FAM72A: variants seen among roughly 807,000 people sequenced by gnomAD.
The protein encoded by FAM72A is protein FAM72A.
FAM72A carries 1 observed loss-of-function variant against 11.3 expected under a neutral mutation model. That is an observed-to-expected ratio of 0.09 (90% CI 0.03 to 0.42). The LOEUF (loss-of-function observed/expected upper bound fraction) is 0.42, where lower values mean the gene tolerates loss of function less well. Among genes scored for constraint, FAM72A ranks in the 10% least tolerant of loss-of-function variants. The pLI is 0.98. For synonymous variants in FAM72A, 5 were observed against 46.9 expected (o/e 0.11, Z 3.65); for missense variants, 15 against 135.5 (o/e 0.11, Z 4.41).
intron 3 of FAM72A, among the ~76,000 whole-genome samples, chr1:206,191,674 AT>A (rs1182826954): frequency 0.085 from 11,111 of 131,262 alleles, 867 homozygotes; most frequent in African/African-American, 0.21. Context: ...GGAAAAAGAA[AT>A]TTTTTTTTTT....
chr1:206,191,445 CCT>C (rs1390876285), intron 3 of FAM72A, among the ~76,000 whole-genome samples: 2 of 144,690 alleles, frequency 1.4e-5, no homozygotes, highest in African/African-American at 5.2e-5. Context: ...ATGGTGAAAC[CCT>C]GTCTCTACTA....
chr1:206,198,598 G>A (rs1344361292), intron 2 of FAM72A, among the ~76,000 whole-genome samples: 2 of 150,776 alleles, frequency 1.3e-5, no homozygotes, highest in Admixed American at 6.6e-5. Context: ...CCATCTAAAT[G>A]AGAAAATTTC....
chr1:206,197,624 ATGT>A (rs1265411841), intron 2 of FAM72A, among the ~76,000 whole-genome samples: 31 of 119,194 alleles, frequency 2.6e-4, no homozygotes, highest in Middle Eastern at 3.7e-3. Context: ...TCTTTTGAAA[ATGT>A]TGTTCTTCGG....
chr1:206,198,138 C>T lies in FAM72A; in HGVS notation c.230+1669G>A, dbSNP rs1416717198. 3.9e-3 allele frequency among the ~76,000 whole-genome samples: 592 copies of T among 150,438 alleles called. 5 individuals are homozygous for T. Among genetic ancestry groups the T allele is most frequent in the African/African-American group, 0.014 (560 of 40,244 alleles). ...TAGCACTTAGGGAGGCCAAGGCAGG[C>T]GGACTGCCTGAGCTCAGGAGTTTGA... On this transcript the variant is annotated intron_variant, in intron 2 of 3. Transcript: ENST00000367128.
In FAM72A at chr1:206,191,721, ATT is replaced by A. The variant is rs1229234327; in HGVS notation, c.355+4029_355+4030del. Among the ~76,000 whole-genome samples, 802 of 98,502 alleles carry A rather than the reference ATT, an allele frequency of 8.1e-3. 3 individuals carry two copies. The highest frequency in any genetic ancestry group is 0.024 in the African/African-American group (432 of 17,756). 64.6% of individuals were successfully genotyped at this position (98,502 alleles called of 152,430 possible). A position where few individuals can be genotyped will look rare whatever the true frequency, so the allele number is the denominator to read the frequency against. ...TGGTAGTGTACTTTCTTACTAAAAT[ATT>A]ATTTTTTTTTTTTTTTTTTTTTGAG... On this transcript the variant is annotated intron_variant, in intron 3 of 3. Transcript: ENST00000367128.
upstream of FAM72A, chr1:206,203,153 C>G: frequency 4.6e-6 from 1 of 219,468 alleles, no homozygotes; most frequent in Non-Finnish European, 8.9e-6. Flanking sequence ...CTTCCCGCTT[C>G]TTATTGGAAG....
chr1:206,203,148 C>G (rs1262532943), upstream of FAM72A: 1 of 211,488 alleles, frequency 4.7e-6, no homozygotes, highest in African/African-American at 2.3e-5. Flanking sequence ...ACGCCCTTCC[C>G]GCTTCTTATT....
intron 3 of FAM72A, among the ~76,000 whole-genome samples, chr1:206,192,916 TC>T (rs1441069322): frequency 2.2e-4 from 33 of 151,882 alleles, no homozygotes; most frequent in Non-Finnish European, 3.8e-4. Flanking sequence ...TCTTTTCTTT[TC>T]TTTTTTTTTT....
intron 3 of FAM72A, among the ~76,000 whole-genome samples, chr1:206,191,317 AG>A (rs1553297507): frequency 1.0e-5 from 1 of 97,882 alleles, no homozygotes; most frequent in Non-Finnish European, 1.9e-5. Context: ...AAAAAAAAAA[AG>A]GTACTTCAGG....
intron 3 of FAM72A, among the ~76,000 whole-genome samples, chr1:206,191,872 C>T (rs1483549808): frequency 2.6e-5 from 4 of 151,306 alleles, no homozygotes; most frequent in Admixed American, 1.3e-4. Context: ...GAACCCCTGA[C>T]CTCAAGTGAT....
intron 3 of FAM72A, among the ~76,000 whole-genome samples, chr1:206,194,503 A>G (rs1664975739): frequency 1.3e-5 from 2 of 151,918 alleles, no homozygotes; most frequent in South Asian, 4.2e-4. Flanking sequence ...ATCACATGCT[A>G]CAGAGAAATC....
At position 206,193,165 on chromosome 1, in the gene FAM72A, G is replaced by A. The variant is rs576767044; in HGVS notation, c.355+2587C>T. 1.1e-4 allele frequency among the ~76,000 whole-genome samples: 16 copies of A among 151,610 alleles called. No homozygotes were observed. In the South Asian group the frequency reaches 2.9e-3, roughly 28 times the overall value. ...CAACCTCAGGTGATCTGCCCGCCTC[G>A]GCCTCCCAAACTGCTGGGATTACAG... On this transcript the variant is annotated intron_variant, in intron 3 of 3. Coordinates refer to ENST00000367128, the MANE Select transcript of FAM72A (RefSeq NM_001123168.3).
At chr1:206,194,244 G>A (rs1490409286) in intron 3 of FAM72A, among the ~76,000 whole-genome samples, 2 of 152,216 alleles carry the variant, frequency 1.3e-5, no homozygotes, top group East Asian at 1.9e-4. Flanking sequence ...GCCTGAAGAC[G>A]TGACTGCATT....
chr1:206,190,659 C>T (rs1664735517), intron 3 of FAM72A, among the ~76,000 whole-genome samples: 1 of 128,128 alleles, frequency 7.8e-6, no homozygotes, highest in Non-Finnish European at 1.6e-5. Flanking sequence ...CACTTGAGGA[C>T]AGGAGTTCGA....
At chr1:206,190,888 T>C (rs1415943054) in intron 3 of FAM72A, among the ~76,000 whole-genome samples, 1 of 146,620 alleles carries the variant, frequency 6.8e-6, no homozygotes, top group Non-Finnish European at 1.5e-5. Context: ...AAAAAAAAAG[T>C]TCCTTAAAAT....
In FAM72A at chr1:206,198,476, T is replaced by C. The variant is rs1553298673; in HGVS notation, c.230+1331A>G. ...TGACTACCACATACTAGTTCCTCAA[T>C]ACAAGTATAGCTTAAATAAAGGAAT... is the stretch of plus-strand genomic sequence containing the variant. On this transcript the variant is annotated intron_variant, in intron 2 of 3. Coordinates refer to ENST00000367128, the MANE Select transcript of FAM72A (RefSeq NM_001123168.3). Among the ~76,000 whole-genome samples, 11 of 145,636 alleles carry C rather than the reference T, an allele frequency of 7.6e-5. No homozygotes were observed. The South Asian group carries it at 2.2e-3, about 29-fold the overall frequency.
intron 2 of FAM72A, among the ~76,000 whole-genome samples, chr1:206,198,819 C>T (rs1461562465): frequency 7.2e-6 from 1 of 138,330 alleles, no homozygotes; most frequent in African/African-American, 2.7e-5. Context: ...CCTGTAATCC[C>T]AGCACTTTGG....
At position 206,198,430 on chromosome 1, in the gene FAM72A, T is replaced by C. The variant is rs1665186845; in HGVS notation, c.230+1377A>G. On this transcript the variant is annotated intron_variant, in intron 2 of 3. Transcript: ENST00000367128. ...CAGTGACTTCATCTAGTTTTTGTTG[T>C]ATTTCCAGCCCTTGTAACAATGACT... 2.7e-5 allele frequency among the ~76,000 whole-genome samples: 4 copies of C among 148,894 alleles called. No homozygotes were observed. In the South Asian group the frequency reaches 8.4e-4, roughly 31 times the overall value.
chr1:206,203,803 C>G (rs782314702), upstream of FAM72A: 27 of 1,532,582 alleles, frequency 1.8e-5, no homozygotes, highest in East Asian at 3.2e-4. Context: ...AGACCGCCCC[C>G]CCTCCACCCT....
Sources: gnomAD v4.1 joint callset for allele counts (sites outside exome capture counted in the v4.1 genomes callset) on GRCh38, gnomAD v4.1.1 for gene constraint, MANE v1.5 for transcripts, NCBI Gene and HGNC (gene_info 2026-07-23, HGNC 2026-07-21) for gene names.